EIF4ENIF1: variants seen among roughly 807,000 people sequenced by gnomAD.
EIF4ENIF1 encodes eukaryotic translation initiation factor 4E transporter.
Under a neutral mutation model 110.5 loss-of-function variants are expected in EIF4ENIF1, and 23 were observed. That is an observed-to-expected ratio of 0.21 (90% CI 0.15 to 0.29). EIF4ENIF1 has a LOEUF of 0.29. EIF4ENIF1 is among the 10% of genes least tolerant of loss of function. The probability of loss-of-function intolerance (pLI) is 1.00; values close to 1 mark genes in which losing one functional copy is unlikely to be tolerated. For synonymous variants in EIF4ENIF1, 440 were observed against 437.0 expected (o/e 1.01, Z -0.09); for missense variants, 1,031 against 1,221.1 (o/e 0.84, Z 2.32).
At chr22:31,461,394 T>C (rs908636316) in intron 6 of EIF4ENIF1, among the ~76,000 whole-genome samples, 2 of 152,150 alleles carry the variant, frequency 1.3e-5, no homozygotes, top group African/African-American at 2.4e-5. Context: ...TCCTTCAGTT[T>C]AGCAAGGGAG....
At chr22:31,482,949 G>A (rs754819271) in intron 2 of EIF4ENIF1, among the ~76,000 whole-genome samples, 24 of 151,324 alleles carry the variant, frequency 1.6e-4, no homozygotes, top group Non-Finnish European at 2.5e-4. Context: ...GCTTGAACCC[G>A]GGAGGCAGAG....
At chr22:31,444,764 G>A (rs953739732) in intron 14 of EIF4ENIF1, 74 bp from the exon 15 acceptor site, 35 of 1,417,676 alleles carry the variant, frequency 2.5e-5, no homozygotes, top group Non-Finnish European at 3.4e-5. Flanking sequence ...TAATACTCAA[G>A]ACCAGCCTAG....
chr22:31,442,727 C>T (rs1039817625), intron 16 of EIF4ENIF1, among the ~76,000 whole-genome samples: 1 of 152,176 alleles, frequency 6.6e-6, no homozygotes, highest in African/African-American at 2.4e-5. Context: ...TCATTCTACC[C>T]GTCTGGTAGT....
chr22:31,488,189 A>T (rs2052117202), intron 2 of EIF4ENIF1, among the ~76,000 whole-genome samples: 1 of 152,306 alleles, frequency 6.6e-6, no homozygotes, highest in East Asian at 1.9e-4. Flanking sequence ...TTGAAAAGCC[A>T]GTTACCCATG....
chr22:31,470,995 A>G (rs1268357092), intron 3 of EIF4ENIF1, among the ~76,000 whole-genome samples: 4 of 151,450 alleles, frequency 2.6e-5, no homozygotes, highest in African/African-American at 9.7e-5. Context: ...CTGGGCAAAA[A>G]GAGTGAAACT....
chr22:31,476,996 A>G lies in EIF4ENIF1; in HGVS notation c.97-5079T>C, dbSNP rs553827036. Among the ~76,000 whole-genome samples the G allele has an allele frequency of 4.8e-3, 722 of 151,512 alleles. 7 individuals carry two copies. Among genetic ancestry groups the G allele is most frequent in the African/African-American group, 0.017 (684 of 41,302 alleles). On this transcript the variant is annotated intron_variant, in intron 2 of 18. Coordinates refer to ENST00000330125, the MANE Select transcript of EIF4ENIF1 (RefSeq NM_019843.4). ...ACCCTGTCTCAAAAAAAAAAAAAAA[A>G]AAAGGCAGGGCATGGTGGCATGCCT...
Position 31,443,022 on chromosome 22 carries a change from G to C in EIF4ENIF1, c.2146C>G (p.Pro716Ala), listed in dbSNP as rs2050352678. 1 of 1,614,098 alleles carries C rather than the reference G, an allele frequency of 6.2e-7. No individual in the cohort carries two copies. The highest frequency in any genetic ancestry group is 1.1e-5 in the South Asian group (1 of 91,082). The change falls in exon 16 of 19, where the codon CCA becomes GCA. Residue 716 changes from proline (P) to alanine (A), a missense_variant. Transcript: ENST00000330125. Reference sequence around the variant, plus strand: ...CCAAGAGCTGCTTTTCCAGATGCTGGCTCCTCCTTGCTTTTCTCTTTGCTC... The same window carrying C: ...CCAAGAGCTGCTTTTCCAGATGCTGCCTCCTCCTTGCTTTTCTCTTTGCTC... Reference protein sequence around the residue: ...YESKEKSKEEPASGKAALGDS... With the variant: ...YESKEKSKEEAASGKAALGDS...
At chr22:31,464,123 A>G in intron 4 of EIF4ENIF1, 156 bp from the exon 5 acceptor site, 1 of 856,082 alleles carries the variant, frequency 1.2e-6, no homozygotes, top group Non-Finnish European at 1.7e-6. Flanking sequence ...TAACATGTAC[A>G]TTATGTATTT....
intron 2 of EIF4ENIF1, among the ~76,000 whole-genome samples, chr22:31,486,635 T>A (rs1290193157): frequency 1.3e-5 from 2 of 151,804 alleles, no homozygotes; most frequent in Non-Finnish European, 2.9e-5. Flanking sequence ...AAAAATTAGC[T>A]GGGCATGGTG....
At chr22:31,441,550 G>GAAAAAAAAAAAAAAAAAAAAAAAAAAA (rs771597260) in intron 17 of EIF4ENIF1, among the ~76,000 whole-genome samples, 5 of 65,256 alleles carry the variant, frequency 7.7e-5, no homozygotes, top group African/African-American at 2.9e-4. Context: ...CTACAAAAAG[G>GAAAAAAAAAAAAAAAAAAAAAAAAAAA]AAAAAAAAAA....
At chr22:31,450,868 CACACACACACACACACACACACACACAA>C (rs2050645403) in intron 10 of EIF4ENIF1, 1 of 161,794 alleles carries the variant, frequency 6.2e-6, no homozygotes, top group Admixed American at 6.2e-5. Context: ...CACACACACA[CACACACACACACACACACACACACACAA>C]AAGAGACAGG....
At chr22:31,490,212 G>A (rs1408559102), upstream of EIF4ENIF1, among the ~76,000 whole-genome samples, 2 of 152,258 alleles carry the variant, frequency 1.3e-5, no homozygotes, top group Non-Finnish European at 2.9e-5. Context: ...CGGAGGCGGT[G>A]GCTAGATGGG....
intron 2 of EIF4ENIF1, among the ~76,000 whole-genome samples, chr22:31,481,123 G>A (rs1488084423): frequency 1.3e-5 from 2 of 152,186 alleles, no homozygotes; most frequent in Non-Finnish European, 2.9e-5. Flanking sequence ...ACAACTTCCA[G>A]TAAGATAGGT....
chr22:31,468,193 G>C lies in EIF4ENIF1; in HGVS notation c.280C>G (p.Leu94Val). ...TGCTCACCTACTATCCTGCGCACCA[G>C]GGAAGGCCGGTCTGTATCCAACTCT... ...KKELDTDRPS[L>V]VRRIVDPRER... The change falls in exon 4 of 19, where the codon CTG (leucine) becomes GTG (valine). Residue 94 changes from leucine to valine, a missense_variant. Leu to Val is a conservative substitution (Grantham distance 32). Around this residue, in one of 3 missense-constraint regions of EIF4ENIF1, gnomAD observed 704 missense variants for 879.7 expected, o/e 0.80. Coordinates refer to ENST00000330125, the MANE Select transcript of EIF4ENIF1 (RefSeq NM_019843.4). 1.9e-6 allele frequency: 3 copies of C among 1,614,072 alleles called. No homozygotes were observed. The South Asian group carries it at 3.3e-5, about 18-fold the overall frequency.
upstream of EIF4ENIF1, among the ~76,000 whole-genome samples, chr22:31,490,793 G>C (rs1185710286): frequency 6.6e-6 from 1 of 152,170 alleles, no homozygotes; most frequent in Non-Finnish European, 1.5e-5. Context: ...ACTGCGCAGC[G>C]TTGGTGTGAA....
rs908412124 is a variant in EIF4ENIF1 at position 31,456,272 on chromosome 22, G to A, written c.964-285C>T. 2.3e-3 allele frequency among the ~76,000 whole-genome samples: 341 copies of A among 145,294 alleles called. 1 individual carries two copies. Among genetic ancestry groups the A allele is most frequent in the African/African-American group, 8.1e-3 (314 of 38,784 alleles). ...AGAGTCTCGCTCTGTCACCCAGGCT[G>A]GAGTGCAGTGGCACGATCTCGGCTC... On this transcript the variant is annotated intron_variant, in intron 7 of 18. Coordinates refer to ENST00000330125, the MANE Select transcript of EIF4ENIF1 (RefSeq NM_019843.4).
chr22:31,457,648 G>C (rs1258409037), intron 7 of EIF4ENIF1, among the ~76,000 whole-genome samples: 1 of 152,174 alleles, frequency 6.6e-6, no homozygotes, highest in Non-Finnish European at 1.5e-5. Context: ...TTATCTGGAA[G>C]AATGTTTTCA....
chr22:31,477,366 AAAAAAAAACAAAAAAAAC>A lies in EIF4ENIF1; in HGVS notation c.97-5467_97-5450del, dbSNP rs1363313157. On this transcript the variant is annotated intron_variant, in intron 2 of 18. Transcript: ENST00000330125. ...ACAAGACCTCTGTCTCCAAAAAAAA[AAAAAAAAACAAAAAAAAC>A]AAAAAAAGAGAATTTGAAATTGAGA... is the stretch of plus-strand genomic sequence containing the variant. 4.0e-4 allele frequency among the ~76,000 whole-genome samples: 54 copies of A among 135,874 alleles called. 1 individual carries two copies. The highest frequency in any genetic ancestry group is 5.6e-4 in the Non-Finnish European group (36 of 64,274). The allele number at this position is 135,874 out of a possible 152,430, so 89.1% of individuals were successfully genotyped here. A position where few individuals can be genotyped will look rare whatever the true frequency, so the allele number is the denominator to read the frequency against.
At chr22:31,450,894 C>CACAA (rs1261087732) in intron 10 of EIF4ENIF1, 2 of 142,842 alleles carry the variant, frequency 1.4e-5, no homozygotes, top group African/African-American at 3.1e-5. Flanking sequence ...CACACACACA[C>CACAA]AAAAGAGACA....
Sources: gnomAD v4.1 joint callset for allele counts (sites outside exome capture counted in the v4.1 genomes callset) on GRCh38, gnomAD v4.1.1 for gene constraint, gnomAD v4.1.1 regional missense constraint, MANE v1.5 for transcripts, NCBI Gene and HGNC (gene_info 2026-07-23, HGNC 2026-07-21) for gene names.